The following KAZN variants were observed in gnomAD, a reference collection of about 807,000 sequenced individuals.
The protein encoded by KAZN is kazrin.
KAZN carries 40 observed loss-of-function variants against 87.4 expected under a neutral mutation model. The ratio of observed to expected loss-of-function variants is 0.46; its 90% CI spans 0.36 to 0.60. The LOEUF (loss-of-function observed/expected upper bound fraction) is 0.60, where lower values mean the gene tolerates loss of function less well. Ranked by LOEUF, KAZN falls within the 20% of genes least tolerant of loss-of-function variation. KAZN has a pLI of 0.00. For missense variants in KAZN, 898 were observed against 1,073.9 expected (o/e 0.84, Z 2.29); for synonymous variants, 466 against 458.3 (o/e 1.02, Z -0.22).
At chr1:14,764,594 C>T (rs1572423513) in intron 1 of KAZN, among the ~76,000 whole-genome samples, 1 of 152,032 alleles carries the variant, frequency 6.6e-6, no homozygotes, top group Admixed American at 6.5e-5. Flanking sequence ...ATGCCTGGAG[C>T]TCATACCAGG....
intron 1 of KAZN, among the ~76,000 whole-genome samples, chr1:14,832,939 C>A (rs952405077): frequency 6.6e-6 from 1 of 152,232 alleles, no homozygotes; most frequent in African/African-American, 2.4e-5. Flanking sequence ...TTTTGTGCTA[C>A]AGTGGCAGAG....
chr1:13,899,644 CTTTT>C (rs35127542), intron 1 of KAZN, among the ~76,000 whole-genome samples: 9 of 136,942 alleles, frequency 6.6e-5, no homozygotes, highest in Admixed American at 2.2e-4. Flanking sequence ...CTTGGTTGTC[CTTTT>C]TTTTTTTTTT....
chr1:14,048,000 G>T (rs1344917602), intron 1 of KAZN, among the ~76,000 whole-genome samples: 1 of 152,206 alleles, frequency 6.6e-6, no homozygotes, highest in African/African-American at 2.4e-5. Flanking sequence ...ATTTAATAGA[G>T]ATCTGGGCAT....
chr1:14,652,843 T>C (rs1290317709), intron 1 of KAZN, among the ~76,000 whole-genome samples: 6 of 151,994 alleles, frequency 3.9e-5, no homozygotes, highest in Admixed American at 1.3e-4. Context: ...GAGATTTTGC[T>C]ACCCCGCCCC....
chr1:14,986,022 AAAGG>A (rs1411970889), intron 2 of KAZN, among the ~76,000 whole-genome samples: 4 of 151,102 alleles, frequency 2.6e-5, no homozygotes, highest in Non-Finnish European at 5.9e-5. Flanking sequence ...AAAAAAAAAA[AAAGG>A]AAAGAAAGAC....
chr1:15,015,135 TA>T (rs1290368465), intron 2 of KAZN, among the ~76,000 whole-genome samples: 7 of 99,516 alleles, frequency 7.0e-5, no homozygotes, highest in Non-Finnish European at 1.3e-4. Context: ...TTTTTCTTTT[TA>T]TTTATTTATT....
intron 1 of KAZN, among the ~76,000 whole-genome samples, chr1:14,806,453 T>G (rs554220956): frequency 1.1e-4 from 17 of 152,320 alleles, no homozygotes; most frequent in African/African-American, 4.1e-4. Context: ...AATCATCCCC[T>G]GCAGACACCT....
At chr1:14,438,315 T>TCCCTG (rs1005560236) in intron 2 of KAZN, among the ~76,000 whole-genome samples, 8 of 152,040 alleles carry the variant, frequency 5.3e-5, no homozygotes, top group African/African-American at 1.7e-4. Context: ...TAAACAAACA[T>TCCCTG]CCCTGCCCTC....
chr1:14,160,767 A>G (rs1645692968), intron 1 of KAZN, among the ~76,000 whole-genome samples: 2 of 152,142 alleles, frequency 1.3e-5, no homozygotes, highest in Non-Finnish European at 2.9e-5. Context: ...TTATCTCTCT[A>G]TTCTCATGTA....
intron 1 of KAZN, among the ~76,000 whole-genome samples, chr1:14,638,255 G>A (rs1024034881): frequency 2.6e-5 from 4 of 152,106 alleles, no homozygotes; most frequent in Non-Finnish European, 1.5e-5. Flanking sequence ...AACCCACAAC[G>A]TGTGTGCACG....
At chr1:14,837,678 G>A (rs1262338924) in intron 1 of KAZN, among the ~76,000 whole-genome samples, 1 of 150,878 alleles carries the variant, frequency 6.6e-6, no homozygotes, top group African/African-American at 2.4e-5. Flanking sequence ...TCAGCCTCCT[G>A]AGTAGCTGGC....
intron 1 of KAZN, among the ~76,000 whole-genome samples, chr1:14,764,115 G>A (rs1010260311): frequency 6.6e-6 from 1 of 152,086 alleles, no homozygotes; most frequent in Non-Finnish European, 1.5e-5. Flanking sequence ...CAGTCCCCAG[G>A]TGATGGTTCT....
chr1:14,309,590 C>A (rs966537613), intron 2 of KAZN, among the ~76,000 whole-genome samples: 1 of 152,140 alleles, frequency 6.6e-6, no homozygotes, highest in Non-Finnish European at 1.5e-5. Flanking sequence ...GAGACCAGGT[C>A]TCACTCTGTG....
At chr1:14,943,258 T>C (rs1180927048) in intron 1 of KAZN, among the ~76,000 whole-genome samples, 1 of 151,906 alleles carries the variant, frequency 6.6e-6, no homozygotes. Context: ...CGTCTCTACC[T>C]TTTTCAGTCC....
At position 13,922,193 on chromosome 1, in the gene KAZN, AAG is replaced by A. The variant is rs1640094064; in HGVS notation, c.91+28439_91+28440del. 2.6e-5 allele frequency among the ~76,000 whole-genome samples: 4 copies of A among 152,292 alleles called. No individual in the cohort carries two copies. In the South Asian group the frequency reaches 8.3e-4, roughly 32 times the overall value. The stretch of plus-strand genomic sequence containing the variant: ...TGCTTTGGGGAAAATCCATGGCACC[AAG>A]ACTTGGCTCTGTCTATTCTTTACAG... On this transcript the variant is annotated intron_variant, in intron 1 of 16. Coordinates refer to the KAZN transcript ENST00000636203.
intron 2 of KAZN, among the ~76,000 whole-genome samples, chr1:14,381,516 T>C (rs1661368344): frequency 6.6e-6 from 1 of 152,132 alleles, no homozygotes; most frequent in South Asian, 2.1e-4. Context: ...GCAAGAATGG[T>C]TCAACACATG....
intron 1 of KAZN, among the ~76,000 whole-genome samples, chr1:14,086,050 C>T (rs147977223): frequency 1.1e-4 from 17 of 152,238 alleles, no homozygotes; most frequent in Non-Finnish European, 2.2e-4. Context: ...CTTAAATATA[C>T]TTTGGTGAGA....
rs773504756 is a variant in KAZN at position 15,056,252 on chromosome 1, A to C, written c.888A>C (p.Ser296=). Residue 296 remains serine (S), a synonymous_variant, in exon 5 of 15, where the codon TCA becomes TCC. Transcript: ENST00000376030. The surrounding 1 kb of genome is among the most constrained non-coding windows in gnomAD (Gnocchi z 5.4). ...IRQSQQTLYH[S]HPPHPADRQA... ...AGAGTCAACAGACTCTCTACCACTC[A>C]CACCCCCCTCACCCTGCGGACCGGC... is the stretch of plus-strand genomic sequence containing the variant. The C allele has an allele frequency of 1.1e-5, 17 of 1,611,360 alleles. No homozygotes were observed. The highest frequency in any genetic ancestry group is 3.3e-4 in the Middle Eastern group (2 of 6,070).
chr1:14,165,266 A>C lies in KAZN; in HGVS notation c.92-15169A>C, dbSNP rs1397212942. ...CTTTTGTCATGCTCTCATAGGTCAG[A>C]TATGGGGCAGCAGGCCAGTCCTTCC... On this transcript the variant is annotated intron_variant, in intron 1 of 16. Coordinates refer to the KAZN transcript ENST00000636203. Among the ~76,000 whole-genome samples, 3 of 151,790 alleles carry C rather than the reference A, an allele frequency of 2.0e-5. No homozygotes were observed. In the South Asian group the frequency reaches 6.3e-4, roughly 32 times the overall value.
Sources: gnomAD v4.1 joint callset for allele counts (sites outside exome capture counted in the v4.1 genomes callset) on GRCh38, gnomAD v4.1.1 for gene constraint, Gnocchi (gnomAD v3.1) non-coding constraint, MANE v1.5 for transcripts, NCBI Gene and HGNC (gene_info 2026-07-23, HGNC 2026-07-21) for gene names.